The following GULP1 variants were observed in gnomAD, a reference collection of about 807,000 sequenced individuals.
The protein encoded by GULP1 is GULP PTB domain containing engulfment adaptor 1.
A neutral mutation model predicts 40.9 loss-of-function variants in GULP1; 19 were observed. That is an observed-to-expected ratio of 0.46 (90% CI 0.32 to 0.68). The LOEUF is 0.68. Ranked by LOEUF, GULP1 falls within the 30% of genes least tolerant of loss-of-function variation. The probability of loss-of-function intolerance (pLI) is 0.03; values close to 1 mark genes in which losing one functional copy is unlikely to be tolerated. For missense variants in GULP1, 312 were observed against 362.2 expected (o/e 0.86, Z 1.12); for synonymous variants, 119 against 117.6 (o/e 1.01, Z -0.08).
At chr2:188,406,336 TATA>T (rs1308714092) in intron 2 of GULP1, among the ~76,000 whole-genome samples, 5 of 152,156 alleles carry the variant, frequency 3.3e-5, no homozygotes, top group African/African-American at 1.2e-4. Flanking sequence ...AATACTATAT[TATA>T]ATCTTATGGG....
At chr2:188,581,708 G>A (rs537128614) in intron 9 of GULP1, among the ~76,000 whole-genome samples, 24 of 152,098 alleles carry the variant, frequency 1.6e-4, no homozygotes, top group Non-Finnish European at 2.8e-4. Flanking sequence ...ACAATTTGGA[G>A]CTCCTCATGA....
intron 2 of GULP1, among the ~76,000 whole-genome samples, chr2:188,431,621 C>T (rs1319293501): frequency 6.6e-6 from 1 of 151,970 alleles, no homozygotes; most frequent in African/African-American, 2.4e-5. Flanking sequence ...AAGACTAAGT[C>T]TCTTAATTAT....
At chr2:188,364,903 TACACAC>T (rs146488035) in intron 1 of GULP1, among the ~76,000 whole-genome samples, 1 of 147,544 alleles carries the variant, frequency 6.8e-6, no homozygotes, top group African/African-American at 2.5e-5. Flanking sequence ...TATACACAAA[TACACAC>T]ACACACACAT....
intron 1 of GULP1, among the ~76,000 whole-genome samples, chr2:188,299,555 C>T (rs2106015987): frequency 6.6e-6 from 1 of 152,288 alleles, no homozygotes; most frequent in East Asian, 1.9e-4. Flanking sequence ...TTAAACTGTG[C>T]ATCTGCAAAT....
At chr2:188,454,440 A>T (rs2059091580) in intron 2 of GULP1, among the ~76,000 whole-genome samples, 1 of 152,188 alleles carries the variant, frequency 6.6e-6, no homozygotes, top group Admixed American at 6.5e-5. Flanking sequence ...GGATAGGTAT[A>T]TGTAAAATAG....
At chr2:188,513,859 A>G (rs1268595899) in intron 4 of GULP1, among the ~76,000 whole-genome samples, 1 of 152,048 alleles carries the variant, frequency 6.6e-6, no homozygotes, top group Non-Finnish European at 1.5e-5. Flanking sequence ...GTTTTATTCC[A>G]TGTTATTGGT....
intron 1 of GULP1, among the ~76,000 whole-genome samples, chr2:188,343,945 G>T (rs1261012370): frequency 6.6e-6 from 1 of 152,092 alleles, no homozygotes; most frequent in Non-Finnish European, 1.5e-5. Flanking sequence ...AAATAGCTGG[G>T]ACTGTGGGCA....
At chr2:188,427,389 G>GA (rs1575175136) in intron 2 of GULP1, among the ~76,000 whole-genome samples, 2 of 152,144 alleles carry the variant, frequency 1.3e-5, no homozygotes, top group South Asian at 2.1e-4. Flanking sequence ...AAGACAATGG[G>GA]AAAAAAGCTT....
At chr2:188,468,274 T>C (rs1479431980) in intron 2 of GULP1, among the ~76,000 whole-genome samples, 2 of 152,198 alleles carry the variant, frequency 1.3e-5, no homozygotes, top group South Asian at 2.1e-4. Flanking sequence ...TTGTGTGATA[T>C]GTGTAATAAA....
chr2:188,296,327 G>C (rs1374273658), intron 1 of GULP1, among the ~76,000 whole-genome samples: 1 of 152,060 alleles, frequency 6.6e-6, no homozygotes, highest in African/African-American at 2.4e-5. Context: ...CATTGTTCCA[G>C]AGTAAGACTT....
At chr2:188,481,968 T>A (rs1433437599) in intron 3 of GULP1, among the ~76,000 whole-genome samples, 3 of 151,886 alleles carry the variant, frequency 2.0e-5, no homozygotes, top group Non-Finnish European at 4.4e-5. Flanking sequence ...ACAAAAAGTA[T>A]AGCTAAGATG....
chr2:188,366,488 TTTC>T (rs1459844713), intron 1 of GULP1, among the ~76,000 whole-genome samples: 2 of 152,132 alleles, frequency 1.3e-5, no homozygotes, highest in East Asian at 3.9e-4. Flanking sequence ...CTAGCTCTCT[TTTC>T]TTCTTCCGTC....
intron 11 of GULP1, chr2:188,592,002 A>G (rs1703655166): frequency 6.6e-6 from 1 of 151,970 alleles, no homozygotes; most frequent in South Asian, 2.1e-4. Context: ...TATCTGAGGA[A>G]GAAAGAAAAT....
intron 2 of GULP1, among the ~76,000 whole-genome samples, chr2:188,454,074 G>A (rs368751010): frequency 1.3e-5 from 2 of 152,180 alleles, no homozygotes; most frequent in Non-Finnish European, 1.5e-5. Flanking sequence ...CAGGCCTGCC[G>A]CTGGAGGTAC....
intron 9 of GULP1, among the ~76,000 whole-genome samples, chr2:188,571,658 C>T (rs1202032091): frequency 6.6e-6 from 1 of 152,186 alleles, no homozygotes; most frequent in African/African-American, 2.4e-5. Flanking sequence ...AGGGACAGAA[C>T]ATCAGTTCAA....
chr2:188,337,439 C>T (rs575234933), intron 1 of GULP1, among the ~76,000 whole-genome samples: 1 of 149,560 alleles, frequency 6.7e-6, no homozygotes, highest in African/African-American at 2.5e-5. Flanking sequence ...CGCGCCCGGC[C>T]CTCCAACTTC....
At chr2:188,408,560 A>G (rs1388981426) in intron 2 of GULP1, among the ~76,000 whole-genome samples, 1 of 152,234 alleles carries the variant, frequency 6.6e-6, no homozygotes, top group Non-Finnish European at 1.5e-5. Flanking sequence ...AGACTGTAGT[A>G]CAATAATATT....
At chr2:188,443,672 A>G (rs1168756477) in intron 2 of GULP1, among the ~76,000 whole-genome samples, 1 of 151,882 alleles carries the variant, frequency 6.6e-6, no homozygotes, top group Non-Finnish European at 1.5e-5. Flanking sequence ...GCTTAAACTG[A>G]AAAAATGAAT....
At position 188,475,991 on chromosome 2, in the gene GULP1, A is replaced by G. The variant is rs138790827; in HGVS notation, c.-44-1668A>G. 6.0e-3 allele frequency among the ~76,000 whole-genome samples: 907 copies of G among 152,280 alleles called. 5 individuals carry two copies. The highest frequency in any genetic ancestry group is 9.1e-3 in the Non-Finnish European group (618 of 68,010). ...CTCTTGAAAGGACTGCAGTAGAACT[A>G]GTTTGCTCAGGCAACAACTAGGTTT... On this transcript the variant is annotated intron_variant, in intron 2 of 11. Coordinates refer to ENST00000409830, the MANE Select transcript of GULP1 (RefSeq NM_016315.4).
Sources: allele counts gnomAD v4.1 joint callset (sites outside exome capture counted in the v4.1 genomes callset), GRCh38; gene constraint gnomAD v4.1.1; transcripts MANE v1.5; gene names NCBI Gene and HGNC (gene_info 2026-07-23, HGNC 2026-07-21).